The following RBM6 variants were observed in gnomAD, a reference collection of about 807,000 sequenced individuals.
RBM6 encodes the protein RNA binding motif protein 6.
RBM6 carries 23 observed loss-of-function variants against 140.4 expected under a neutral mutation model. That is an observed-to-expected ratio of 0.16 (90% confidence interval 0.12 to 0.23). The LOEUF (loss-of-function observed/expected upper bound fraction) is 0.23. RBM6 is among the 10% of genes least tolerant of loss of function. The pLI, the probability that RBM6 is intolerant of heterozygous loss-of-function variation, is 1.00. For synonymous variants in RBM6, 439 were observed against 475.6 expected (o/e 0.92, Z 1.00); for missense variants, 1,139 against 1,386.7 (o/e 0.82, Z 2.84).
chr3:49,941,691 C>T (rs2083290487), intron 1 of RBM6, among the ~76,000 whole-genome samples: 1 of 134,690 alleles, frequency 7.4e-6, no homozygotes, highest in Non-Finnish European at 1.6e-5. Context: ...TCAACAAAAA[C>T]CAACATAGTA....
intron 5 of RBM6, among the ~76,000 whole-genome samples, chr3:49,991,791 A>G (rs2085839231): frequency 6.6e-6 from 1 of 151,982 alleles, no homozygotes; most frequent in Non-Finnish European, 1.5e-5. Flanking sequence ...ACCTAATGTC[A>G]GTTGTTTCAT....
At chr3:49,997,705 G>T (rs1369043945) in intron 5 of RBM6, among the ~76,000 whole-genome samples, 1 of 152,134 alleles carries the variant, frequency 6.6e-6, no homozygotes, top group Non-Finnish European at 1.5e-5. Context: ...GGTGCTAACA[G>T]GTGTCTTAGT....
chr3:50,069,948 C>A (rs923173413), intron 18 of RBM6, among the ~76,000 whole-genome samples: 5 of 152,172 alleles, frequency 3.3e-5, no homozygotes, highest in Non-Finnish European at 5.9e-5. Flanking sequence ...CGGAACCAAG[C>A]GTGCCAACTT....
At chr3:50,003,730 T>C (rs1024702619) in intron 6 of RBM6, among the ~76,000 whole-genome samples, 1 of 152,206 alleles carries the variant, frequency 6.6e-6, no homozygotes, top group Non-Finnish European at 1.5e-5. Context: ...GTGGCTGTGG[T>C]GACCGATCAG....
chr3:50,060,160 C>T (rs1053741471), intron 11 of RBM6, among the ~76,000 whole-genome samples: 1 of 152,078 alleles, frequency 6.6e-6, no homozygotes, highest in African/African-American at 2.4e-5. Context: ...GACCCTATCT[C>T]TTAACAAAAA....
chr3:49,985,192 A>G (rs953627099), intron 5 of RBM6, among the ~76,000 whole-genome samples: 17 of 152,210 alleles, frequency 1.1e-4, no homozygotes, highest in African/African-American at 3.9e-4. Context: ...GACAAGAAGA[A>G]AAGGGCATTA....
intron 10 of RBM6, 101 bp downstream of exon 10, chr3:50,058,663 C>A: frequency 7.7e-7 from 1 of 1,302,078 alleles, no homozygotes; most frequent in Non-Finnish European, 1.1e-6. Context: ...GCCTGTAATC[C>A]CAGCACTTTG....
At chr3:49,983,173 C>CTCA (rs2085390109) in intron 5 of RBM6, among the ~76,000 whole-genome samples, 1 of 152,180 alleles carries the variant, frequency 6.6e-6, no homozygotes, top group Non-Finnish European at 1.5e-5. Context: ...GGGTAACAGG[C>CTCA]TCATGTCCTT....
chr3:49,989,661 A>G (rs1255648627), intron 5 of RBM6, among the ~76,000 whole-genome samples: 1 of 152,216 alleles, frequency 6.6e-6, no homozygotes, highest in Non-Finnish European at 1.5e-5. Context: ...GTTAATGTGC[A>G]TATGCCAACT....
At chr3:50,017,788 C>T (rs2087248766) in intron 6 of RBM6, among the ~76,000 whole-genome samples, 1 of 152,084 alleles carries the variant, frequency 6.6e-6, no homozygotes, top group South Asian at 2.1e-4. Context: ...TGACGCAATT[C>T]CATTTGTCTG....
chr3:49,986,730 T>C (rs1311511933), intron 5 of RBM6, among the ~76,000 whole-genome samples: 1 of 151,678 alleles, frequency 6.6e-6, no homozygotes, highest in East Asian at 1.9e-4. Flanking sequence ...TTCTCCTCTC[T>C]TCTCTTCTCT....
chr3:49,990,632 G>C (rs917402933), intron 5 of RBM6, among the ~76,000 whole-genome samples: 1 of 152,214 alleles, frequency 6.6e-6, no homozygotes, highest in Non-Finnish European at 1.5e-5. Context: ...ATGTTTGACA[G>C]ATGTACATAC....
intron 7 of RBM6, 21 bp downstream of exon 7, chr3:50,048,340 T>C: frequency 6.2e-7 from 1 of 1,606,222 alleles, no homozygotes; most frequent in Non-Finnish European, 8.5e-7. Flanking sequence ...AGAATCCCTT[T>C]CTTTAGAAGT....
chr3:50,033,678 G>T (rs913308068), intron 6 of RBM6, among the ~76,000 whole-genome samples: 1 of 151,906 alleles, frequency 6.6e-6, no homozygotes. Flanking sequence ...ATGGAGTCTC[G>T]CTCTGTCACC....
chr3:49,962,255 A>G (rs1314136235), intron 1 of RBM6, among the ~76,000 whole-genome samples: 1 of 151,156 alleles, frequency 6.6e-6, no homozygotes, highest in Non-Finnish European at 1.5e-5. Flanking sequence ...GATCTAGACC[A>G]CAGTAAACCC....
intron 15 of RBM6, among the ~76,000 whole-genome samples, chr3:50,064,128 T>G (rs1256354493): frequency 6.6e-6 from 1 of 151,988 alleles, no homozygotes; most frequent in Non-Finnish European, 1.5e-5. Flanking sequence ...AGACGCGGTT[T>G]CACCATGTTG....
intron 6 of RBM6, chr3:50,047,198 C>G (rs2089263972): frequency 1.0e-6 from 1 of 984,948 alleles, no homozygotes. Flanking sequence ...TGGATTCAAG[C>G]AAGAAACTGA....
At chr3:50,050,663 A>G (rs1302075055) in intron 7 of RBM6, among the ~76,000 whole-genome samples, 3 of 152,188 alleles carry the variant, frequency 2.0e-5, no homozygotes, top group Non-Finnish European at 4.4e-5. Context: ...TTCATAGACC[A>G]CAGCTGTACC....
chr3:50,007,099 A>AT (rs556987399), intron 6 of RBM6, among the ~76,000 whole-genome samples: 43 of 141,432 alleles, frequency 3.0e-4, no homozygotes, highest in Admixed American at 1.4e-3. Context: ...GCCTAGGAGG[A>AT]TTTTTTTTTT....
Sources: gnomAD v4.1 joint callset for allele counts (sites outside exome capture counted in the v4.1 genomes callset) on GRCh38, gnomAD v4.1.1 for gene constraint, MANE v1.5 for transcripts, NCBI Gene and HGNC (gene_info 2026-07-23, HGNC 2026-07-21) for gene names.